C3orf22: variants seen among roughly 807,000 people sequenced by gnomAD.
The protein encoded by C3orf22 is uncharacterized protein C3orf22.
In C3orf22, 7 loss-of-function variants were observed where a neutral mutation model predicts 10.8. That is an observed-to-expected ratio of 0.65 (90% CI 0.37 to 1.22). The LOEUF (loss-of-function observed/expected upper bound fraction) is 1.22. Among genes scored for constraint, C3orf22 ranks in the 50% most tolerant of loss-of-function variants. The pLI, the probability that C3orf22 is intolerant of heterozygous loss-of-function variation, is 0.02. For synonymous variants in C3orf22, 79 were observed against 78.9 expected (o/e 1.00, Z 0.00); for missense variants, 173 against 177.0 (o/e 0.98, Z 0.13).
At chr3:126,535,154 C>CTAGAGA in intron 4 of C3orf22, among the ~76,000 whole-genome samples, 4 of 132,170 alleles carry the variant, frequency 3.0e-5, no homozygotes, top group African/African-American at 1.1e-4. Context: ...CTGTCCCCAG[C>CTAGAGA]CGGGAGACAG....
rs769888325 is a variant in C3orf22, at chr3:126,541,995, G to C, written c.286+7542C>G. The C allele has an allele frequency of 2.6e-6, 4 of 1,560,866 alleles. No individual in the cohort carries two copies. In the South Asian group the frequency reaches 4.7e-5, roughly 18 times the overall value. On this transcript the variant is annotated intron_variant and NMD_transcript_variant, in intron 4 of 5. Transcript: ENST00000505070. The stretch of plus-strand genomic sequence containing the variant: ...GCGCAAGAGGCGCACGCGCCTGGCC[G>C]CCTGCCCTCACTGGCCGACTTCAGC...
intron 4 of C3orf22, among the ~76,000 whole-genome samples, chr3:126,535,852 T>C (rs115383224): frequency 0.012 from 1,808 of 152,372 alleles, 36 homozygotes; most frequent in African/African-American, 0.041. Flanking sequence ...CCTTTCTGGC[T>C]GCCCATACAC....
intron 4 of C3orf22, among the ~76,000 whole-genome samples, chr3:126,535,126 GAC>G (rs1936749639): frequency 9.6e-6 from 1 of 104,390 alleles, no homozygotes; most frequent in Non-Finnish European, 1.9e-5. Flanking sequence ...CTCAGCTGGA[GAC>G]AGACAGACAG....
chr3:126,541,700 G>T, intron 4 of C3orf22: 1 of 1,412,190 alleles, frequency 7.1e-7, no homozygotes, highest in South Asian at 1.5e-5. Context: ...CTGCCCTGAC[G>T]CGTCCCCCTG....
At chr3:126,530,827 G>A (rs1300764478) in intron 4 of C3orf22, among the ~76,000 whole-genome samples, 1 of 152,266 alleles carries the variant, frequency 6.6e-6, no homozygotes, top group Non-Finnish European at 1.5e-5. Flanking sequence ...CAGTGGCCTG[G>A]AGACACAGGT....
At chr3:126,541,064 T>C (rs9851107) in intron 4 of C3orf22, among the ~76,000 whole-genome samples, 6,816 of 152,190 alleles carry the variant, frequency 0.045, 232 homozygotes, top group African/African-American at 0.094. Flanking sequence ...GGTCTCTACA[T>C]GGCTGAGGCT....
intron 4 of C3orf22, among the ~76,000 whole-genome samples, chr3:126,539,991 A>G (rs1936920568): frequency 8.1e-6 from 1 of 123,098 alleles, no homozygotes; most frequent in African/African-American, 2.9e-5. Flanking sequence ...CACGCATGAC[A>G]CACACACACA....
intron 4 of C3orf22, among the ~76,000 whole-genome samples, chr3:126,534,607 G>A (rs1936725394): frequency 6.7e-6 from 1 of 149,826 alleles, no homozygotes; most frequent in Non-Finnish European, 1.5e-5. Flanking sequence ...TCCTCAGCTG[G>A]GAGACAGACA....
At chr3:126,539,988 GACAC>G (rs368474448) in intron 4 of C3orf22, among the ~76,000 whole-genome samples, 11 of 73,004 alleles carry the variant, frequency 1.5e-4, no homozygotes, top group Admixed American at 3.1e-4. Flanking sequence ...ACACACGCAT[GACAC>G]ACACACACAA....
chr3:126,529,797 C>CT (rs1936613578), intron 4 of C3orf22, among the ~76,000 whole-genome samples: 1 of 152,214 alleles, frequency 6.6e-6, no homozygotes, highest in African/African-American at 2.4e-5. Flanking sequence ...CCCTGTCTCC[C>CT]TAACCTCCTG....
chr3:126,541,984 C>A (rs1441864332), intron 4 of C3orf22: 16 of 1,564,210 alleles, frequency 1.0e-5, no homozygotes, highest in Non-Finnish European at 1.3e-5. Context: ...AAGAGGCGCA[C>A]GCGCCTGGCC....
intron 4 of C3orf22, chr3:126,542,170 G>T: frequency 6.8e-7 from 1 of 1,476,380 alleles, no homozygotes; most frequent in South Asian, 1.3e-5. Context: ...GCATCGTTCA[G>T]CGCCTGCGGC....
intron 4 of C3orf22, among the ~76,000 whole-genome samples, chr3:126,544,579 T>C (rs1182958566): frequency 6.6e-6 from 1 of 152,192 alleles, no homozygotes; most frequent in Non-Finnish European, 1.5e-5. Flanking sequence ...GTGTGTGCAA[T>C]TGTTGCACAC....
intron 4 of C3orf22, chr3:126,529,513 G>T (rs2107562795): frequency 1.5e-6 from 1 of 645,252 alleles, no homozygotes; most frequent in South Asian, 1.8e-5. Flanking sequence ...AAGCTGTGAG[G>T]CCTCGGGCAA....
At chr3:126,548,153 C>T (rs1207899555), downstream of C3orf22, among the ~76,000 whole-genome samples, 2 of 152,168 alleles carry the variant, frequency 1.3e-5, no homozygotes, top group Admixed American at 6.5e-5. Flanking sequence ...TGCCACCATG[C>T]CCAGCTAATT....
At chr3:126,541,566 G>A (rs1056829843) in intron 4 of C3orf22, among the ~76,000 whole-genome samples, 14 of 152,162 alleles carry the variant, frequency 9.2e-5, no homozygotes, top group Non-Finnish European at 1.6e-4. Flanking sequence ...ACAGATGCCC[G>A]GGCCCTAAAC....
At chr3:126,537,960 G>A (rs1249621997) in intron 4 of C3orf22, among the ~76,000 whole-genome samples, 1 of 152,180 alleles carries the variant, frequency 6.6e-6, no homozygotes, top group Non-Finnish European at 1.5e-5. Flanking sequence ...CACTGTGGGG[G>A]TGAGGACAGG....
At chr3:126,535,418 C>T (rs867923954) in intron 4 of C3orf22, among the ~76,000 whole-genome samples, 57 of 148,188 alleles carry the variant, frequency 3.8e-4, no homozygotes, top group African/African-American at 1.1e-3. Context: ...TGTCCTCAAC[C>T]GGGAGACAGA....
chr3:126,530,157 G>A (rs1034821484), intron 4 of C3orf22, among the ~76,000 whole-genome samples: 7 of 152,210 alleles, frequency 4.6e-5, no homozygotes, highest in Admixed American at 6.5e-5. Flanking sequence ...CAGCCTGCCC[G>A]TCTGCAGGGC....
Sources: gnomAD v4.1 joint callset for allele counts (sites outside exome capture counted in the v4.1 genomes callset) on GRCh38, gnomAD v4.1.1 for gene constraint, MANE v1.5 for transcripts, NCBI Gene and HGNC (gene_info 2026-07-23, HGNC 2026-07-21) for gene names.